UNC5C: variants seen among roughly 807,000 people sequenced by gnomAD.
The protein encoded by UNC5C is unc-5 netrin receptor C, also known as netrin receptor UNC5C.
A neutral mutation model predicts 99.8 loss-of-function variants in UNC5C; 47 were observed. The observed-to-expected ratio is 0.47, with a 90% confidence interval of 0.37 to 0.60. UNC5C has a LOEUF of 0.60. UNC5C is among the 20% of genes least tolerant of loss of function. The probability of loss-of-function intolerance (pLI) is 0.00; values close to 1 mark genes in which losing one functional copy is unlikely to be tolerated. For missense variants in UNC5C, 1,062 were observed against 1,165.9 expected (o/e 0.91, Z 1.30); for synonymous variants, 487 against 452.2 (o/e 1.08, Z -0.98).
intron 13 of UNC5C, among the ~76,000 whole-genome samples, chr4:95,183,462 C>G (rs1369213076): frequency 6.6e-6 from 1 of 152,076 alleles, no homozygotes; most frequent in African/African-American, 2.4e-5. Flanking sequence ...GAATCCCTGT[C>G]GTGACATTCT....
At chr4:95,294,306 G>A (rs577602182) in intron 3 of UNC5C, among the ~76,000 whole-genome samples, 1 of 152,278 alleles carries the variant, frequency 6.6e-6, no homozygotes, top group South Asian at 2.1e-4. Flanking sequence ...CCACAGGTGG[G>A]TCACAAATGT....
At chr4:95,265,626 A>G (rs1267409957) in intron 4 of UNC5C, among the ~76,000 whole-genome samples, 2 of 152,216 alleles carry the variant, frequency 1.3e-5, no homozygotes, top group African/African-American at 4.8e-5. Context: ...CCTGGGGTTT[A>G]TCTGATTAGC....
intron 1 of UNC5C, among the ~76,000 whole-genome samples, chr4:95,454,560 A>G (rs1361377568): frequency 6.6e-6 from 1 of 152,204 alleles, no homozygotes; most frequent in Non-Finnish European, 1.5e-5. Flanking sequence ...TGAGAGAGCA[A>G]TCAGTCATTC....
intron 1 of UNC5C, among the ~76,000 whole-genome samples, chr4:95,381,755 T>C (rs6850276): frequency 0.028 from 4,190 of 152,238 alleles, 191 homozygotes; most frequent in African/African-American, 0.092. Context: ...GCAATGTAAG[T>C]GCTTAGATTA....
intron 1 of UNC5C, among the ~76,000 whole-genome samples, chr4:95,360,949 T>C (rs1176360164): frequency 6.6e-6 from 1 of 152,204 alleles, no homozygotes; most frequent in Non-Finnish European, 1.5e-5. Flanking sequence ...TCTGTGAGTA[T>C]ATGCGGTTAT....
intron 1 of UNC5C, among the ~76,000 whole-genome samples, chr4:95,344,614 A>G (rs1743702281): frequency 6.6e-6 from 1 of 152,138 alleles, no homozygotes; most frequent in Non-Finnish European, 1.5e-5. Flanking sequence ...AGGTGAACTG[A>G]TCAAAAATAA....
At chr4:95,399,147 G>T (rs1382907643) in intron 1 of UNC5C, among the ~76,000 whole-genome samples, 1 of 152,084 alleles carries the variant, frequency 6.6e-6, no homozygotes, top group Non-Finnish European at 1.5e-5. Context: ...CACCTGCAAT[G>T]TTTTTAAGTC....
intron 1 of UNC5C, among the ~76,000 whole-genome samples, chr4:95,430,235 T>C (rs1746596972): frequency 6.6e-6 from 1 of 152,056 alleles, no homozygotes; most frequent in African/African-American, 2.4e-5. Flanking sequence ...ATGTTAATAA[T>C]GAGGGAGGCT....
chr4:95,407,688 C>G (rs1254525089), intron 1 of UNC5C, among the ~76,000 whole-genome samples: 1 of 151,996 alleles, frequency 6.6e-6, no homozygotes, highest in African/African-American at 2.4e-5. Context: ...AGAAGTCATA[C>G]AAGAAAGTAA....
intron 12 of UNC5C, among the ~76,000 whole-genome samples, chr4:95,190,024 A>G (rs1007168549): frequency 3.3e-5 from 5 of 152,202 alleles, no homozygotes; most frequent in African/African-American, 1.2e-4. Flanking sequence ...TCATGCTGCT[A>G]TAAAGACACA....
chr4:95,382,257 G>C (rs1290585388), intron 1 of UNC5C, among the ~76,000 whole-genome samples: 2 of 152,060 alleles, frequency 1.3e-5, no homozygotes, highest in African/African-American at 2.4e-5. Flanking sequence ...AGGATTGCTT[G>C]AGTCCAGGAG....
intron 2 of UNC5C, among the ~76,000 whole-genome samples, chr4:95,322,049 A>C (rs749765860): frequency 3.3e-5 from 5 of 152,216 alleles, no homozygotes; most frequent in Non-Finnish European, 7.4e-5. Flanking sequence ...TACAGATATA[A>C]AGCTCCATTC....
intron 4 of UNC5C, among the ~76,000 whole-genome samples, chr4:95,254,468 C>T (rs980500650): frequency 3.3e-5 from 5 of 152,176 alleles, no homozygotes; most frequent in Admixed American, 6.5e-5. Flanking sequence ...GGTCTAGCAT[C>T]AGTGTGTTTT....
At chr4:95,257,188 C>T (rs982013446) in intron 4 of UNC5C, among the ~76,000 whole-genome samples, 5 of 152,154 alleles carry the variant, frequency 3.3e-5, no homozygotes, top group Admixed American at 2.0e-4. Flanking sequence ...TCAGTGTCAG[C>T]GCTGAAGTCC....
At chr4:95,403,082 A>T (rs969312683) in intron 1 of UNC5C, among the ~76,000 whole-genome samples, 1 of 152,188 alleles carries the variant, frequency 6.6e-6, no homozygotes, top group African/African-American at 2.4e-5. Context: ...GAAAGAGAAA[A>T]TTAGACACGT....
At chr4:95,306,276 C>G (rs1409623308) in intron 2 of UNC5C, among the ~76,000 whole-genome samples, 1 of 152,114 alleles carries the variant, frequency 6.6e-6, no homozygotes, top group Non-Finnish European at 1.5e-5. Flanking sequence ...GATCTTGGCT[C>G]ACTGCAAGCT....
chr4:95,456,802 T>C (rs1430373672), intron 1 of UNC5C, among the ~76,000 whole-genome samples: 1 of 152,174 alleles, frequency 6.6e-6, no homozygotes, highest in Non-Finnish European at 1.5e-5. Context: ...ATACAAATAC[T>C]ATTAAAAGAT....
chr4:95,301,623 G>T lies in UNC5C; in HGVS notation c.473C>A (p.Ala158Glu). Residue 158 changes from alanine (A) to glutamate (E), a missense_variant, in exon 3 of 16, where the codon GCG becomes GAG. Physicochemically the swap from Ala to Glu is moderately radical, Grantham distance 107. This residue lies in a region of UNC5C where 249 missense variants were observed against 295.1 expected (regional missense o/e 0.84). Coordinates refer to ENST00000453304, the MANE Select transcript of UNC5C (RefSeq NM_003728.4). ...TGACTCACATGCAATGCGCACATAC[G>T]CCTTCCGGCTCTTTGTGGTACCCGC... is the stretch of plus-strand genomic sequence containing the variant. ...SSAGTTKSRK[A>E]YVRIAYLRKT... is the part of the protein sequence containing the mutation. The T allele has an allele frequency of 6.2e-7, 1 of 1,613,972 alleles. No individual in the cohort carries two copies. The highest frequency in any genetic ancestry group is 8.5e-7 in the Non-Finnish European group (1 of 1,179,992).
At chr4:95,350,421 A>T (rs1324310918) in intron 1 of UNC5C, among the ~76,000 whole-genome samples, 1 of 151,838 alleles carries the variant, frequency 6.6e-6, no homozygotes, top group Non-Finnish European at 1.5e-5. Flanking sequence ...CTTGAGGGGG[A>T]GGTTGTAGTG....
Sources: allele counts gnomAD v4.1 joint callset (sites outside exome capture counted in the v4.1 genomes callset), GRCh38; gene constraint gnomAD v4.1.1; regional missense constraint gnomAD v4.1.1; transcripts MANE v1.5; gene names NCBI Gene and HGNC (gene_info 2026-07-23, HGNC 2026-07-21).